TMX2: variants seen among roughly 807,000 people sequenced by gnomAD.
The protein encoded by TMX2 is thioredoxin related transmembrane protein 2, also known as thioredoxin-related transmembrane protein 2.
TMX2 carries 20 observed loss-of-function variants against 33.4 expected under a neutral mutation model. The ratio of observed to expected loss-of-function variants is 0.60; its 90% CI spans 0.42 to 0.87. TMX2 has a LOEUF of 0.87. Among genes scored for constraint, TMX2 ranks in the 40% least tolerant of loss-of-function variants. TMX2 has a pLI of 0.00. For missense variants in TMX2, 340 were observed against 370.7 expected (o/e 0.92, Z 0.68); for synonymous variants, 166 against 140.7 (o/e 1.18, Z -1.27).
At chr11:57,723,436 T>C (rs990487650) in intron 1 of TMX2, among the ~76,000 whole-genome samples, 4 of 149,774 alleles carry the variant, frequency 2.7e-5, no homozygotes, top group African/African-American at 9.9e-5. Flanking sequence ...TGAGCCGGGA[T>C]TGTGCCATTG....
chr11:57,716,068 A>G (rs1946981309), intron 1 of TMX2, among the ~76,000 whole-genome samples: 3 of 152,030 alleles, frequency 2.0e-5, no homozygotes, highest in Admixed American at 2.0e-4. Flanking sequence ...CGCCATTGTC[A>G]TCCCGGCCCG....
intron 1 of TMX2, among the ~76,000 whole-genome samples, chr11:57,727,915 C>T (rs1283672675): frequency 6.6e-6 from 1 of 152,234 alleles, no homozygotes; most frequent in Non-Finnish European, 1.5e-5. Context: ...TTTAGACAAA[C>T]TCAACCAATT....
Position 57,712,728 on chromosome 11 carries a change from T to TA in TMX2, c.111dup (p.Leu38ThrfsTer20). On this transcript the variant is annotated frameshift_variant, in exon 1 of 8. Transcript: ENST00000278422. LOFTEE classifies it high-confidence loss of function. ...TCGGCCCTGCTCTCTGCTGCCTTCC[T>TA]ACTCGTGAGGAAACTGCCGCCGCTC... 1 of 1,614,152 alleles carries TA rather than the reference T, an allele frequency of 6.2e-7. No homozygotes were observed. Among genetic ancestry groups the TA allele is most frequent in the Admixed American group, 1.7e-5 (1 of 60,022 alleles).
At chr11:57,730,516 C>A (rs903314688) in intron 1 of TMX2, among the ~76,000 whole-genome samples, 1 of 143,370 alleles carries the variant, frequency 7.0e-6, no homozygotes, top group Non-Finnish European at 1.5e-5. Context: ...GCGGGCAGAT[C>A]ATCTGAGGTC....
intron 1 of TMX2, among the ~76,000 whole-genome samples, chr11:57,736,257 CTT>C (rs1429746807): frequency 6.6e-6 from 1 of 151,662 alleles, no homozygotes; most frequent in African/African-American, 2.4e-5. Flanking sequence ...GTTATCTAAT[CTT>C]TTGGCTTCCC....
intron 1 of TMX2, among the ~76,000 whole-genome samples, chr11:57,724,754 A>G (rs11229109): frequency 0.35 from 52,584 of 152,014 alleles, 10,052 homozygotes; most frequent in Non-Finnish European, 0.44. Flanking sequence ...AATGGGTACT[A>G]TAAGGCTGGG....
chr11:57,719,964 C>T (rs182049800), intron 1 of TMX2, among the ~76,000 whole-genome samples: 3 of 152,134 alleles, frequency 2.0e-5, no homozygotes, highest in African/African-American at 7.2e-5. Flanking sequence ...GGACTTCTGA[C>T]AACCCTGAGA....
intron 1 of TMX2, among the ~76,000 whole-genome samples, chr11:57,714,990 G>A (rs1565210736): frequency 6.6e-6 from 1 of 152,136 alleles, no homozygotes; most frequent in South Asian, 2.1e-4. Flanking sequence ...TATGAGTCCA[G>A]TTTTATTTTC....
intron 1 of TMX2, among the ~76,000 whole-genome samples, chr11:57,716,348 C>G (rs1357711124): frequency 1.6e-5 from 2 of 126,142 alleles, no homozygotes; most frequent in Non-Finnish European, 3.6e-5. Context: ...GGGGGGCTGA[C>G]CCCCACACCT....
intron 5 of TMX2, 81 bp downstream of exon 5, chr11:57,738,851 T>G: frequency 6.5e-7 from 1 of 1,548,840 alleles, no homozygotes; most frequent in South Asian, 1.1e-5. Context: ...TCTTTTTCTT[T>G]TGGCCTTGAT....
intron 1 of TMX2, among the ~76,000 whole-genome samples, chr11:57,722,420 C>T (rs1207873453): frequency 1.3e-5 from 2 of 152,220 alleles, no homozygotes; most frequent in Non-Finnish European, 2.9e-5. Context: ...TGAAAGATGG[C>T]TCTCTCCTTC....
chr11:57,735,914 T>C (rs903179938), intron 1 of TMX2, among the ~76,000 whole-genome samples: 21 of 152,280 alleles, frequency 1.4e-4, no homozygotes, highest in African/African-American at 3.8e-4. Context: ...TGCTGGTTAG[T>C]TGTTTTGTCC....
chr11:57,727,105 C>T (rs1565223479), intron 1 of TMX2, among the ~76,000 whole-genome samples: 1 of 152,060 alleles, frequency 6.6e-6, no homozygotes, highest in Non-Finnish European at 1.5e-5. Flanking sequence ...CAGCAAAAGG[C>T]AAAGGCACAG....
chr11:57,713,224 G>A (rs1282052310), intron 1 of TMX2, among the ~76,000 whole-genome samples: 1 of 152,074 alleles, frequency 6.6e-6, no homozygotes. Context: ...AATGGATCTC[G>A]GTATATTTAG....
chr11:57,736,997 A>G (rs893050942), intron 1 of TMX2, among the ~76,000 whole-genome samples: 3 of 152,256 alleles, frequency 2.0e-5, no homozygotes, highest in African/African-American at 7.2e-5. Context: ...TTGAGTTGAT[A>G]TTAATAATCT....
intron 1 of TMX2, among the ~76,000 whole-genome samples, chr11:57,720,875 C>G (rs897542075): frequency 6.6e-6 from 1 of 152,216 alleles, no homozygotes; most frequent in African/African-American, 2.4e-5. Context: ...GGATCCAAAA[C>G]AAGCAGTTTG....
chr11:57,722,432 C>T (rs1947698104), intron 1 of TMX2, among the ~76,000 whole-genome samples: 1 of 152,200 alleles, frequency 6.6e-6, no homozygotes, highest in Non-Finnish European at 1.5e-5. Flanking sequence ...CTCTCCTTCA[C>T]CTTTTGTTGT....
chr11:57,738,963 A>G lies in TMX2; in HGVS notation c.549-11A>G. The G allele has an allele frequency of 1.2e-6, 2 of 1,612,328 alleles. No homozygotes were observed. Among genetic ancestry groups the G allele is most frequent in the Non-Finnish European group, 8.5e-7 (1 of 1,178,680 alleles). On this transcript the variant is annotated splice_polypyrimidine_tract_variant and intron_variant, in intron 5 of 7. Transcript: ENST00000278422. ...TTTTTTTCAGCATATTAAATAATAT[A>G]TTCTTTTCAGATACAACTGTACAGG...
chr11:57,737,515 G>C, intron 1 of TMX2, 93 bp from the exon 2 acceptor site: 1 of 998,142 alleles, frequency 1.0e-6, no homozygotes, highest in Non-Finnish European at 1.6e-6. Flanking sequence ...AGTTTGGATC[G>C]CTATTGGTTT....
Sources: gnomAD v4.1 joint callset for allele counts (sites outside exome capture counted in the v4.1 genomes callset) on GRCh38, gnomAD v4.1.1 for gene constraint, MANE v1.5 for transcripts, NCBI Gene and HGNC (gene_info 2026-07-23, HGNC 2026-07-21) for gene names.